Variants in CRYL1 observed in about 807,000 individuals in gnomAD.
The protein encoded by CRYL1 is crystallin lambda 1.
In CRYL1, 29 loss-of-function variants were observed where a neutral mutation model predicts 36.6. The observed-to-expected ratio is 0.79, with a 90% CI of 0.59 to 1.08. CRYL1 has a LOEUF of 1.08. CRYL1 is among the 50% of genes least tolerant of loss of function. CRYL1 has a pLI of 0.00. For missense variants in CRYL1, 411 were observed against 407.9 expected, an observed-to-expected ratio of 1.01 and a Z score of -0.06; for synonymous variants, 152 against 151.5, an observed-to-expected ratio of 1.00 and a Z score of -0.02.
chr13:20,504,667 CA>C (rs1343433471), intron 2 of CRYL1, among the ~76,000 whole-genome samples: 11 of 152,270 alleles, frequency 7.2e-5, no homozygotes, highest in Admixed American at 4.6e-4. Context: ...CAATGGTGAA[CA>C]AAGACAAAGC....
chr13:20,414,266 T>C (rs2031601647), intron 5 of CRYL1, among the ~76,000 whole-genome samples: 1 of 152,040 alleles, frequency 6.6e-6, no homozygotes, highest in South Asian at 2.1e-4. Flanking sequence ...TGTGTGTGTG[T>C]GTGTGTGTGT....
At chr13:20,473,124 C>T (rs1437787304) in intron 3 of CRYL1, 1 of 152,248 alleles carries the variant, frequency 6.6e-6, no homozygotes, top group Admixed American at 6.5e-5. Context: ...TAAAATTAGT[C>T]TGCAATCTAA....
Position 20,452,149 on chromosome 13 carries a change from GGA to G in CRYL1, c.277-12397_277-12396del, listed in dbSNP as rs761955704. Among the ~76,000 whole-genome samples, 3 of 151,402 alleles carry G rather than the reference GGA, an allele frequency of 2.0e-5. No individual in the cohort carries two copies. In the South Asian group the frequency reaches 6.3e-4, roughly 32 times the overall value. On this transcript the variant is annotated intron_variant, in intron 3 of 7. Transcript: ENST00000298248. The stretch of plus-strand genomic sequence containing the variant: ...GGACTACTAGAAGAGGAAGGGAGAG[GGA>G]GAGAGTTGAAAAACTATTAGCTACT...
chr13:20,421,666 A>G lies in CRYL1; in HGVS notation c.634-8279T>C, dbSNP rs532696819. Among the ~76,000 whole-genome samples the G allele has an allele frequency of 1.8e-4, 28 of 152,080 alleles. No individual in the cohort carries two copies. In the South Asian group the frequency reaches 5.8e-3, roughly 32 times the overall value. On this transcript the variant is annotated intron_variant, in intron 5 of 7. Coordinates refer to ENST00000298248, the MANE Select transcript of CRYL1 (RefSeq NM_015974.3). ...CCATCCTCTACTTCTGGGGACCCTT[A>G]CCCCTGGCCTGTTAACTTCCCAACT...
intron 4 of CRYL1, among the ~76,000 whole-genome samples, chr13:20,436,805 TTTC>T (rs1299258766): frequency 6.6e-6 from 1 of 152,152 alleles, no homozygotes; most frequent in African/African-American, 2.4e-5. Context: ...AAGCCTCCTT[TTTC>T]TTCATCCTAT....
chr13:20,469,508 A>C (rs1349883603), intron 3 of CRYL1, among the ~76,000 whole-genome samples: 1 of 152,208 alleles, frequency 6.6e-6, no homozygotes, highest in Non-Finnish European at 1.5e-5. Flanking sequence ...ACCTTAAACA[A>C]TAAAGAAATG....
chr13:20,447,273 T>C (rs2032477207), intron 3 of CRYL1, among the ~76,000 whole-genome samples: 1 of 152,222 alleles, frequency 6.6e-6, no homozygotes, highest in African/African-American at 2.4e-5. Context: ...CAATATATGA[T>C]ACAAATACAG....
At chr13:20,477,349 T>G (rs905858780) in intron 3 of CRYL1, among the ~76,000 whole-genome samples, 1 of 150,908 alleles carries the variant, frequency 6.6e-6, no homozygotes, top group African/African-American at 2.4e-5. Context: ...AGTAATTAAT[T>G]TATATATATA....
chr13:20,444,766 G>T (rs1302334590), intron 3 of CRYL1, among the ~76,000 whole-genome samples: 1 of 152,190 alleles, frequency 6.6e-6, no homozygotes, highest in Non-Finnish European at 1.5e-5. Context: ...ACCCAGGCTG[G>T]AGTGCAGTGG....
At chr13:20,430,918 T>G in intron 5 of CRYL1, 1 of 985,402 alleles carries the variant, frequency 1.0e-6, no homozygotes, top group Non-Finnish European at 1.2e-6. Flanking sequence ...TGACTGATAT[T>G]CAAGAAATTA....
chr13:20,483,350 GACGGAGTCTC>G (rs1254181464), intron 3 of CRYL1, among the ~76,000 whole-genome samples: 2 of 151,962 alleles, frequency 1.3e-5, no homozygotes, highest in Non-Finnish European at 2.9e-5. Flanking sequence ...ATTTTTTTAA[GACGGAGTCTC>G]ACTCTGTCGC....
rs1458742982 is a variant in CRYL1 at position 20,425,826 on chromosome 13, C to T, written c.633+6276G>A. 3.3e-5 allele frequency among the ~76,000 whole-genome samples: 5 copies of T among 152,092 alleles called. No individual in the cohort carries two copies. The highest frequency in any genetic ancestry group is 5.9e-5 in the Non-Finnish European group (4 of 68,034). ...ACAGTTCATAATGCAGTGGATTATG[C>T]GCAAACCTGGCTGACAGCATGAGAT... On this transcript the variant is annotated intron_variant, in intron 5 of 7. Transcript: ENST00000298248. The surrounding 1 kb of genome is among the most constrained non-coding windows in gnomAD (Gnocchi z 4.4).
intron 2 of CRYL1, among the ~76,000 whole-genome samples, chr13:20,507,836 T>G (rs1360061006): frequency 2.7e-5 from 4 of 150,478 alleles, no homozygotes; most frequent in Non-Finnish European, 5.9e-5. Context: ...GAGAATGGCA[T>G]GAACCTGGGA....
chr13:20,462,031 CT>C (rs2032832827), intron 3 of CRYL1, among the ~76,000 whole-genome samples: 1 of 5,998 alleles, frequency 1.7e-4, no homozygotes, highest in African/African-American at 4.6e-4. Context: ...GGAGGACAGT[CT>C]GGAGAGAAGA....
rs979769131 is a variant in CRYL1, at chr13:20,525,770, C to G, written c.25G>C (p.Val9Leu). ...GCCCTTTACCTGCCAACGATCACCA[C>G]GCAGCCGGCCGCGGAGGACGCCATG... MASSAAGCVVIVGSGVIGR... is the reference protein window; with the variant it reads MASSAAGCLVIVGSGVIGR... Residue 9 changes from valine (V) to leucine (L), a missense_variant, in exon 1 of 8, where the codon GTG becomes CTG. Physicochemically the swap from Val to Leu is conservative, Grantham distance 32. Transcript: ENST00000298248. This position sits in a 1 kb window ranked among gnomAD's most constrained non-coding sequence, Gnocchi z 4.3. The G allele has an allele frequency of 7.7e-7, 1 of 1,296,692 alleles. No individual in the cohort carries two copies. Among genetic ancestry groups the G allele is most frequent in the Non-Finnish European group, 9.8e-7 (1 of 1,020,894 alleles). The allele number at this position is 1,296,692 out of a possible 1,614,324, so 80.3% of individuals were successfully genotyped here.
At chr13:20,490,842 A>C (rs1182314706) in intron 2 of CRYL1, among the ~76,000 whole-genome samples, 1 of 152,042 alleles carries the variant, frequency 6.6e-6, no homozygotes, top group Non-Finnish European at 1.5e-5. Flanking sequence ...CTCTGCTGTT[A>C]GCTTCTTAAA....
intron 2 of CRYL1, among the ~76,000 whole-genome samples, chr13:20,507,834 C>T (rs762083842): frequency 8.6e-5 from 13 of 151,296 alleles, no homozygotes; most frequent in South Asian, 8.4e-4. Context: ...AGGAGAATGG[C>T]ATGAACCTGG....
chr13:20,428,567 T>C (rs1022275776), intron 5 of CRYL1, among the ~76,000 whole-genome samples: 1 of 152,168 alleles, frequency 6.6e-6, no homozygotes, highest in African/African-American at 2.4e-5. Flanking sequence ...TGGTTGAACA[T>C]GCAAAAGTCA....
rs531364357 is a variant in CRYL1, at chr13:20,491,466, T to C, written c.150-1970A>G. On this transcript the variant is annotated intron_variant, in intron 2 of 7. Transcript: ENST00000298248. Reference sequence around the variant, plus strand: ...GTGAGCAGGCATTTTCAAATTTTCATATAGAACAAATTCCTTGAATTAGAG... The same window carrying C: ...GTGAGCAGGCATTTTCAAATTTTCACATAGAACAAATTCCTTGAATTAGAG... Among the ~76,000 whole-genome samples, 12 of 152,224 alleles carry C rather than the reference T, an allele frequency of 7.9e-5. No individual in the cohort carries two copies. In the South Asian group the frequency reaches 2.1e-3, roughly 26 times the overall value.
Sources: gnomAD v4.1 joint callset for allele counts (sites outside exome capture counted in the v4.1 genomes callset) on GRCh38, gnomAD v4.1.1 for gene constraint, Gnocchi (gnomAD v3.1) non-coding constraint, MANE v1.5 for transcripts, NCBI Gene and HGNC (gene_info 2026-07-23, HGNC 2026-07-21) for gene names.